Variants in PCDHA10 observed in about 807,000 individuals in gnomAD.
PCDHA10 encodes the protein protocadherin alpha 10.
A neutral mutation model predicts 61.2 loss-of-function variants in PCDHA10; 45 were observed. That is an observed-to-expected ratio of 0.74 (90% CI 0.58 to 0.94). The LOEUF (loss-of-function observed/expected upper bound fraction) is 0.94, where lower values mean the gene tolerates loss of function less well. Among genes scored for constraint, PCDHA10 ranks in the 40% least tolerant of loss-of-function variants. The pLI is 0.00. For synonymous variants in PCDHA10, 602 were observed against 548.8 expected (o/e 1.10, Z -1.35); for missense variants, 1,278 against 1,236.2 (o/e 1.03, Z -0.51).
At chr5:140,903,845 C>T (rs2070659171) in intron 1 of PCDHA10, among the ~76,000 whole-genome samples, 1 of 152,006 alleles carries the variant, frequency 6.6e-6, no homozygotes, top group Admixed American at 6.6e-5. Context: ...TTTCATTTAT[C>T]TTAACAAATA....
At chr5:140,862,291 C>G (rs1029513176) in intron 1 of PCDHA10, 4 of 265,238 alleles carry the variant, frequency 1.5e-5, no homozygotes, top group African/African-American at 6.6e-5. Context: ...TACAGGAGGA[C>G]GCTCCACTGG....
intron 3 of PCDHA10, among the ~76,000 whole-genome samples, chr5:140,985,928 C>G (rs1001132600): frequency 9.9e-5 from 15 of 151,534 alleles, no homozygotes; most frequent in Non-Finnish European, 1.3e-4. Context: ...TTTAGTAGAG[C>G]CGGGGTTTCA....
chr5:140,928,557 C>G lies in PCDHA10; in HGVS notation c.2389-50392C>G, dbSNP rs556688707. 7 of 1,614,238 alleles carry G rather than the reference C, an allele frequency of 4.3e-6. 1 individual carries two copies. The East Asian group carries it at 1.6e-4, about 36-fold the overall frequency. On this transcript the variant is annotated intron_variant, in intron 1 of 3. Coordinates refer to ENST00000307360, the MANE Select transcript of PCDHA10 (RefSeq NM_018901.4). ...ATAGGAATGACAATTATCCGGTTAT[C>G]TTGTTTCCCTTGCCCAGAAATGGTT...
chr5:140,929,074 G>T, intron 1 of PCDHA10: 2 of 1,614,182 alleles, frequency 1.2e-6, no homozygotes, highest in South Asian at 2.2e-5. Flanking sequence ...TCTGAGGTAT[G>T]GAAGTAAGAT....
At chr5:140,993,667 C>T (rs2097576739) in intron 3 of PCDHA10, among the ~76,000 whole-genome samples, 1 of 152,052 alleles carries the variant, frequency 6.6e-6, no homozygotes, top group African/African-American at 2.4e-5. Context: ...AACAATGGAC[C>T]ACATATGTGA....
intron 1 of PCDHA10, among the ~76,000 whole-genome samples, chr5:140,945,952 G>A (rs2093866662): frequency 6.6e-6 from 1 of 151,910 alleles, no homozygotes; most frequent in African/African-American, 2.4e-5. Context: ...ATATGACCCT[G>A]AAAGCACAGG....
intron 3 of PCDHA10, among the ~76,000 whole-genome samples, chr5:140,994,938 C>T (rs2097656507): frequency 6.6e-6 from 1 of 152,232 alleles, no homozygotes; most frequent in East Asian, 1.9e-4. Context: ...CCTTAAACAT[C>T]CTGCTAAATA....
chr5:140,873,230 A>G (rs888976655), intron 1 of PCDHA10, among the ~76,000 whole-genome samples: 2 of 152,354 alleles, frequency 1.3e-5, no homozygotes, highest in Admixed American at 1.3e-4. Context: ...AGGCAACAAT[A>G]TAAAAATATA....
intron 1 of PCDHA10, among the ~76,000 whole-genome samples, chr5:140,914,901 G>A (rs2076874560): frequency 6.8e-6 from 1 of 147,044 alleles, no homozygotes; most frequent in African/African-American, 2.5e-5. Flanking sequence ...TTAACTTTGT[G>A]TTGTTTCTCT....
intron 1 of PCDHA10, chr5:140,870,012 C>T (rs2051581500): frequency 6.2e-7 from 1 of 1,613,354 alleles, no homozygotes; most frequent in African/African-American, 1.3e-5. Context: ...AAGTGAGGGT[C>T]AATGGAACTT....
In PCDHA10 at chr5:140,857,833, A is replaced by C. The variant is rs1554150723; in HGVS notation, c.1785A>C (p.Ala595=). The part of the protein sequence containing the change: ...VAGHVVAKVR[A]VDADSGYNAW... Reference sequence around the variant, plus strand: ...GTCACGTGGTGGCTAAGGTGCGCGCAGTGGACGCTGACTCTGGATACAACG... The same window carrying C: ...GTCACGTGGTGGCTAAGGTGCGCGCCGTGGACGCTGACTCTGGATACAACG... Residue 595 remains alanine, a synonymous_variant, in exon 1 of 4, where the codon GCA becomes GCC. Coordinates refer to ENST00000307360, the MANE Select transcript of PCDHA10 (RefSeq NM_018901.4). The C allele has an allele frequency of 6.3e-7, 1 of 1,597,676 alleles. No homozygotes were observed.
intron 1 of PCDHA10, chr5:140,866,754 G>A (rs540571091): frequency 1.1e-4 from 17 of 152,256 alleles, no homozygotes; most frequent in Non-Finnish European, 2.2e-4. Context: ...ATGACTAACA[G>A]GACATACAGG....
intron 1 of PCDHA10, among the ~76,000 whole-genome samples, chr5:140,889,975 T>A (rs2062445806): frequency 6.6e-6 from 1 of 152,182 alleles, no homozygotes; most frequent in African/African-American, 2.4e-5. Flanking sequence ...CTATCCAGTC[T>A]CCAGTTGTCT....
At chr5:140,923,714 A>G (rs1396629400) in intron 1 of PCDHA10, among the ~76,000 whole-genome samples, 7 of 152,250 alleles carry the variant, frequency 4.6e-5, no homozygotes, top group African/African-American at 1.4e-4. Context: ...TACTTGAATA[A>G]GAATGCAATG....
intron 3 of PCDHA10, among the ~76,000 whole-genome samples, chr5:140,992,147 G>A (rs1304729438): frequency 2.0e-5 from 3 of 151,714 alleles, no homozygotes; most frequent in Non-Finnish European, 4.4e-5. Context: ...TGCTAACTTT[G>A]CTCAATCAAG....
At chr5:140,867,441 G>C (rs1188505395) in intron 1 of PCDHA10, 1 of 152,032 alleles carries the variant, frequency 6.6e-6, no homozygotes, top group Non-Finnish European at 1.5e-5. Flanking sequence ...GCATTTACCT[G>C]AATTAGAGTT....
chr5:140,904,502 G>T (rs1554191560), intron 1 of PCDHA10, among the ~76,000 whole-genome samples: 2 of 151,770 alleles, frequency 1.3e-5, no homozygotes, highest in African/African-American at 4.8e-5. Flanking sequence ...TTTTACAATT[G>T]TGAATTGTGC....
Position 140,967,283 on chromosome 5 carries a change from C to G in PCDHA10, c.2389-11666C>G, listed in dbSNP as rs782468433. The G allele has an allele frequency of 1.7e-5, 27 of 1,613,040 alleles. No homozygotes were observed. The Admixed American group carries it at 3.7e-4, about 22-fold the overall frequency. ...AGCGCGCTTTCACATAGAGAGTGCG[C>G]AGGACCCCGACGTGGGCGCCAACTC... On this transcript the variant is annotated intron_variant, in intron 1 of 3. Transcript: ENST00000307360.
At chr5:140,858,548 T>A in intron 1 of PCDHA10, 112 bp downstream of exon 1, 1 of 1,394,090 alleles carries the variant, frequency 7.2e-7, no homozygotes, top group African/African-American at 1.4e-5. Flanking sequence ...ATTCCATTTA[T>A]GCTTGAATAT....
Sources: allele counts gnomAD v4.1 joint callset (sites outside exome capture counted in the v4.1 genomes callset), GRCh38; gene constraint gnomAD v4.1.1; transcripts MANE v1.5; gene names NCBI Gene and HGNC (gene_info 2026-07-23, HGNC 2026-07-21).